The following FBXW4 variants were observed in gnomAD, a reference collection of about 807,000 sequenced individuals.
FBXW4 encodes F-box and WD repeat domain containing 4, also known as F-box/WD repeat-containing protein 4.
In FBXW4, 40 loss-of-function variants were observed where a neutral mutation model predicts 61.8. The observed-to-expected ratio is 0.65, with a 90% CI of 0.50 to 0.84. FBXW4 has a LOEUF of 0.84. FBXW4 is among the 40% of genes least tolerant of loss of function. The pLI is 0.00. For missense variants in FBXW4, 672 were observed against 753.8 expected (o/e 0.89, Z 1.27); for synonymous variants, 311 against 313.8 (o/e 0.99, Z 0.10).
At chr10:101,641,162 G>A (rs1259381305) in intron 5 of FBXW4, among the ~76,000 whole-genome samples, 2 of 151,310 alleles carry the variant, frequency 1.3e-5, no homozygotes, top group Non-Finnish European at 2.9e-5. Context: ...CATAATGCCA[G>A]GCATTTAAGA....
rs1386404071 is a variant in FBXW4 at position 101,611,796 on chromosome 10, G to A, written c.1443-27C>T. The A allele has an allele frequency of 6.2e-7, 1 of 1,604,864 alleles. No homozygotes were observed. The highest frequency in any genetic ancestry group is 2.2e-5 in the East Asian group (1 of 44,640). ...TGTCCAGGAAGAGGAGAAGCAGAGGGAGGTTTAGGGTACCCTCCACCTCTA... is the reference window on the plus strand; with the variant it reads ...TGTCCAGGAAGAGGAGAAGCAGAGGAAGGTTTAGGGTACCCTCCACCTCTA... On this transcript the variant is annotated intron_variant, in intron 7 of 8. Transcript: ENST00000331272. The surrounding 1 kb of genome is among the most constrained non-coding windows in gnomAD (Gnocchi z 4.9).
At chr10:101,681,722 A>AATAATAATT (rs1204343521) in intron 1 of FBXW4, among the ~76,000 whole-genome samples, 1 of 62,604 alleles carries the variant, frequency 1.6e-5, no homozygotes, top group Non-Finnish European at 3.9e-5. Flanking sequence ...GTCTCAAAAT[A>AATAATAATT]ATAATAATAA....
rs757513556 is a variant in FBXW4 at position 101,681,398 on chromosome 10, A to AAATAAT, written c.726-4968_726-4963dup. Among the ~76,000 whole-genome samples, 23 of 136,090 alleles carry AAATAAT rather than the reference A, an allele frequency of 1.7e-4. No individual in the cohort carries two copies. The South Asian group carries it at 2.9e-3, about 17-fold the overall frequency. 89.3% of individuals were successfully genotyped at this position (136,090 alleles called of 152,430 possible). A position where few individuals can be genotyped will look rare whatever the true frequency, so the allele number is the denominator to read the frequency against. ...AGCGAAACTCCGTCTCAAAAAAAAAAAATAATAATAATAATAATAATAATA... is the reference window on the plus strand; with the variant it reads ...AGCGAAACTCCGTCTCAAAAAAAAAAAATAATAATAATAATAATAATAATAATAATA... On this transcript the variant is annotated intron_variant, in intron 1 of 8. Coordinates refer to ENST00000331272, the MANE Select transcript of FBXW4 (RefSeq NM_022039.4).
chr10:101,650,872 A>G (rs1294509264), intron 5 of FBXW4, among the ~76,000 whole-genome samples: 1 of 152,208 alleles, frequency 6.6e-6, no homozygotes, highest in Non-Finnish European at 1.5e-5. Flanking sequence ...GGGAGCACAC[A>G]TCGGATACAA....
chr10:101,675,590 C>T (rs1354741406), intron 2 of FBXW4, among the ~76,000 whole-genome samples: 3 of 152,104 alleles, frequency 2.0e-5, no homozygotes, highest in Non-Finnish European at 4.4e-5. Context: ...AAACTGGATG[C>T]AAGCAGGAAA....
rs1258233898 is a variant in FBXW4, at chr10:101,610,998, C to T, written c.*293G>A. 2 of 276,060 alleles carry T rather than the reference C, an allele frequency of 7.2e-6. No homozygotes were observed. 17.1% of individuals were successfully genotyped at this position (276,060 alleles called of 1,614,324 possible). ...CTCTAATAAGGGGTATAGGATGGGC[C>T]TCTCCAGGCCAGATCCTTGCTCTGG... On this transcript the variant is annotated 3_prime_UTR_variant, in exon 9 of 9. Transcript: ENST00000331272.
At chr10:101,686,630 C>T (rs1333694085) in intron 1 of FBXW4, among the ~76,000 whole-genome samples, 1 of 152,124 alleles carries the variant, frequency 6.6e-6, no homozygotes, top group East Asian at 1.9e-4. Context: ...GAAATAATTA[C>T]ACTGCTCTGC....
At chr10:101,654,281 C>T (rs937510974) in intron 5 of FBXW4, among the ~76,000 whole-genome samples, 3 of 151,942 alleles carry the variant, frequency 2.0e-5, no homozygotes, top group Non-Finnish European at 4.4e-5. Flanking sequence ...TAGAAATGTT[C>T]TCAAATGGAA....
At chr10:101,681,536 T>C (rs1390939982) in intron 1 of FBXW4, among the ~76,000 whole-genome samples, 1 of 150,372 alleles carries the variant, frequency 6.7e-6, no homozygotes, top group Non-Finnish European at 1.5e-5. Context: ...GCTAACGCAG[T>C]GAAACCCCGT....
chr10:101,640,484 C>CTTTTTTTTTTTTTTTTT (rs386372272), intron 5 of FBXW4, among the ~76,000 whole-genome samples: 18 of 83,872 alleles, frequency 2.1e-4, no homozygotes, highest in Non-Finnish European at 2.9e-4. Context: ...CTTTCTTTCT[C>CTTTTTTTTTTTTTTTTT]TTTTTTTTTT....
chr10:101,621,598 C>T (rs2063867427), intron 6 of FBXW4, among the ~76,000 whole-genome samples: 1 of 152,174 alleles, frequency 6.6e-6, no homozygotes. Context: ...AGGAAAGAGA[C>T]AGCTTGCATT....
chr10:101,693,572 G>T (rs991390388), intron 1 of FBXW4, among the ~76,000 whole-genome samples: 1 of 152,130 alleles, frequency 6.6e-6, no homozygotes, highest in East Asian at 1.9e-4. Context: ...TTTTAAAAAC[G>T]TTATTTAATG....
intron 5 of FBXW4, among the ~76,000 whole-genome samples, chr10:101,639,077 G>A (rs10883668): frequency 0.16 from 25,015 of 152,200 alleles, 2,396 homozygotes; most frequent in Middle Eastern, 0.23. Context: ...CCTGGTGCAC[G>A]TGTCAACTCC....
intron 1 of FBXW4, among the ~76,000 whole-genome samples, chr10:101,681,814 T>C (rs1211129182): frequency 6.6e-6 from 1 of 151,458 alleles, no homozygotes; most frequent in Non-Finnish European, 1.5e-5. Flanking sequence ...TTGTTGAAAA[T>C]ATATCACATA....
intron 4 of FBXW4, among the ~76,000 whole-genome samples, chr10:101,668,779 A>G (rs1052193853): frequency 1.3e-5 from 2 of 152,164 alleles, no homozygotes; most frequent in African/African-American, 4.8e-5. Flanking sequence ...CATTAAGCAC[A>G]GGGCTCCCCC....
intron 5 of FBXW4, among the ~76,000 whole-genome samples, chr10:101,667,667 T>C (rs1218071695): frequency 6.6e-6 from 1 of 152,188 alleles, no homozygotes; most frequent in African/African-American, 2.4e-5. Flanking sequence ...TTTCTGAGGT[T>C]AGATGCTTAG....
Position 101,694,551 on chromosome 10 carries a change from G to A in FBXW4, c.555C>T (p.Arg185=), listed in dbSNP as rs2064652904. The A allele has an allele frequency of 1.3e-6, 2 of 1,488,420 alleles. No homozygotes were observed. The highest frequency in any genetic ancestry group is 2.8e-5 in the East Asian group (1 of 35,568). The allele number at this position is 1,488,420 out of a possible 1,614,324, so 92.2% of individuals were successfully genotyped here. ...ARPAAGPALW[R]LPEELLLLIC... ...TGAGCAGCAGCAGCTCCTCCGGCAG[G>A]CGCCAGAGCGCAGGCCCCGCGGCCG... Residue 185 remains arginine (R), a synonymous_variant, in exon 1 of 9, where the codon CGC becomes CGT. Transcript: ENST00000331272. The surrounding 1 kb of genome is among the most constrained non-coding windows in gnomAD (Gnocchi z 6.0).
intron 5 of FBXW4, among the ~76,000 whole-genome samples, chr10:101,658,740 C>T (rs938536665): frequency 6.6e-6 from 1 of 152,016 alleles, no homozygotes; most frequent in African/African-American, 2.4e-5. Flanking sequence ...CAGCCACAAC[C>T]TCATTATTGC....
Position 101,672,923 on chromosome 10 carries a change from T to C in FBXW4, c.1132A>G (p.Thr378Ala). 6.2e-7 allele frequency: 1 copy of C among 1,614,056 alleles called. No individual in the cohort carries two copies. Among genetic ancestry groups the C allele is most frequent in the Middle Eastern group, 1.6e-4 (1 of 6,062 alleles). Residue 378 changes from threonine to alanine, a missense_variant, in exon 4 of 9, where the codon ACG (threonine) becomes GCG (alanine). By Grantham distance (58) the Thr-to-Ala change is moderately conservative. Around this residue, in one of 5 missense-constraint regions of FBXW4, gnomAD observed 312 missense variants for 370.1 expected, o/e 0.84. Coordinates refer to ENST00000331272, the MANE Select transcript of FBXW4 (RefSeq NM_022039.4). ...GIIVSGSRDRTAKVWPLASGR... is the reference protein window; with the variant it reads ...GIIVSGSRDRAAKVWPLASGR... ...GGGGGAGACCACCTCACCTTGGCCGTCCTGTCCCTGGAGCCACTCACAATG... is the reference window on the plus strand; with the variant it reads ...GGGGGAGACCACCTCACCTTGGCCGCCCTGTCCCTGGAGCCACTCACAATG...
Sources: gnomAD v4.1 joint callset for allele counts (sites outside exome capture counted in the v4.1 genomes callset) on GRCh38, gnomAD v4.1.1 for gene constraint, gnomAD v4.1.1 regional missense constraint, Gnocchi (gnomAD v3.1) non-coding constraint, MANE v1.5 for transcripts, NCBI Gene and HGNC (gene_info 2026-07-23, HGNC 2026-07-21) for gene names.